The following RBMS3 variants were observed in gnomAD, a reference collection of about 807,000 sequenced individuals.
RBMS3 encodes the protein RNA-binding motif, single-stranded-interacting protein 3.
Under a neutral mutation model 66.8 loss-of-function variants are expected in RBMS3, and 27 were observed. The observed-to-expected ratio is 0.40, with a 90% confidence interval of 0.30 to 0.56. The LOEUF (loss-of-function observed/expected upper bound fraction) is 0.56. RBMS3 is among the 20% of genes least tolerant of loss of function. RBMS3 has a pLI of 0.40. For synonymous variants in RBMS3, 188 were observed against 183.0 expected, an observed-to-expected ratio of 1.03 and a Z score of -0.22; for missense variants, 513 against 549.5, an observed-to-expected ratio of 0.93 and a Z score of 0.66.
intron 7 of RBMS3, among the ~76,000 whole-genome samples, chr3:29,882,588 C>T (rs1002750911): frequency 3.3e-5 from 5 of 151,984 alleles, no homozygotes; most frequent in African/African-American, 1.2e-4. Flanking sequence ...CACTTTTGTT[C>T]CTCATACCAA....
intron 2 of RBMS3, among the ~76,000 whole-genome samples, chr3:29,477,886 C>T (rs2043005504): frequency 6.6e-6 from 1 of 152,142 alleles, no homozygotes; most frequent in African/African-American, 2.4e-5. Context: ...CCACCTCACC[C>T]TCCTAAGTAG....
chr3:29,631,461 C>A (rs1457643), intron 4 of RBMS3, among the ~76,000 whole-genome samples: 3 of 151,416 alleles, frequency 2.0e-5, no homozygotes, highest in Non-Finnish European at 4.4e-5. Flanking sequence ...GGAAATAAGG[C>A]GTTCAAATTT....
At chr3:29,471,166 G>C (rs950893930) in intron 2 of RBMS3, among the ~76,000 whole-genome samples, 1 of 152,156 alleles carries the variant, frequency 6.6e-6, no homozygotes. Flanking sequence ...TAGCATATCT[G>C]TGTGTGAAGG....
At chr3:29,799,280 C>T (rs192068297) in intron 6 of RBMS3, among the ~76,000 whole-genome samples, 2 of 152,160 alleles carry the variant, frequency 1.3e-5, no homozygotes, top group Non-Finnish European at 2.9e-5. Flanking sequence ...AACTGTCAAG[C>T]CTTTCACTTT....
chr3:29,464,014 A>T (rs2042458289), intron 2 of RBMS3, among the ~76,000 whole-genome samples: 1 of 152,016 alleles, frequency 6.6e-6, no homozygotes, highest in Admixed American at 6.6e-5. Context: ...ACCAATGAAA[A>T]ATTTTCTACA....
chr3:29,899,674 T>C (rs768855673), intron 9 of RBMS3, 31 bp from the exon 10 acceptor site: 4 of 1,601,270 alleles, frequency 2.5e-6, no homozygotes, highest in Non-Finnish European at 3.4e-6. Context: ...CTATGATTGC[T>C]TTGTGCTAAT....
intron 1 of RBMS3, among the ~76,000 whole-genome samples, chr3:29,285,955 A>G (rs1345991631): frequency 6.6e-6 from 1 of 152,148 alleles, no homozygotes; most frequent in Non-Finnish European, 1.5e-5. Flanking sequence ...GGAGGGAATG[A>G]GTTTAGAATT....
At chr3:29,702,301 A>G (rs899276021) in intron 4 of RBMS3, among the ~76,000 whole-genome samples, 8 of 152,184 alleles carry the variant, frequency 5.3e-5, no homozygotes, top group Non-Finnish European at 8.8e-5. Context: ...GTGGACTTGG[A>G]GAACTTTTGT....
chr3:29,921,933 T>C (rs75048912), intron 10 of RBMS3, among the ~76,000 whole-genome samples: 59 of 152,222 alleles, frequency 3.9e-4, no homozygotes, highest in African/African-American at 1.3e-3. Context: ...TTGCTCAACA[T>C]AGACAGTCCC....
intron 5 of RBMS3, among the ~76,000 whole-genome samples, chr3:29,747,812 G>A (rs914432165): frequency 5.3e-5 from 8 of 152,184 alleles, no homozygotes; most frequent in Non-Finnish European, 7.3e-5. Flanking sequence ...GAAAGAGCGG[G>A]CAAACAGGGG....
chr3:29,824,045 A>G (rs1416452881), intron 6 of RBMS3, among the ~76,000 whole-genome samples: 1 of 151,888 alleles, frequency 6.6e-6, no homozygotes, highest in Non-Finnish European at 1.5e-5. Context: ...GTGCCTCCAT[A>G]ATCTCCCCAC....
chr3:29,814,014 T>C (rs1185351489), intron 6 of RBMS3, among the ~76,000 whole-genome samples: 1 of 151,984 alleles, frequency 6.6e-6, no homozygotes, highest in African/African-American at 2.4e-5. Flanking sequence ...CTTCCAACAT[T>C]ATGTTGAATA....
intron 10 of RBMS3, among the ~76,000 whole-genome samples, chr3:29,909,795 G>A (rs1235655841): frequency 6.6e-6 from 1 of 152,096 alleles, no homozygotes; most frequent in African/African-American, 2.4e-5. Flanking sequence ...TGTGTGGTAT[G>A]TGTGCATGTG....
intron 2 of RBMS3, among the ~76,000 whole-genome samples, chr3:29,441,177 G>A (rs2041606784): frequency 6.6e-6 from 1 of 152,070 alleles, no homozygotes; most frequent in Admixed American, 6.6e-5. Context: ...CCCTGCCTTT[G>A]TGTATTTTAA....
chr3:29,340,693 T>C (rs530257107), intron 1 of RBMS3, among the ~76,000 whole-genome samples: 2 of 152,226 alleles, frequency 1.3e-5, no homozygotes, highest in South Asian at 4.1e-4. Flanking sequence ...TACTGTAAAA[T>C]CCCCTAAAAC....
intron 3 of RBMS3, among the ~76,000 whole-genome samples, chr3:29,559,398 C>A (rs982652962): frequency 6.6e-6 from 1 of 151,440 alleles, no homozygotes; most frequent in Non-Finnish European, 1.5e-5. Flanking sequence ...CTAATCCCAG[C>A]TACTCAGGAG....
intron 12 of RBMS3, among the ~76,000 whole-genome samples, chr3:29,966,933 G>T (rs1235495430): frequency 6.6e-6 from 1 of 152,124 alleles, no homozygotes; most frequent in Non-Finnish European, 1.5e-5. Context: ...TGCTTTTTCT[G>T]CATCTATTCA....
chr3:29,345,558 A>G (rs962045421), intron 1 of RBMS3, among the ~76,000 whole-genome samples: 2 of 152,144 alleles, frequency 1.3e-5, no homozygotes, highest in South Asian at 2.1e-4. Flanking sequence ...GCCTCTCTCC[A>G]TGAGAAGCCC....
intron 3 of RBMS3, among the ~76,000 whole-genome samples, chr3:29,492,205 CAT>C (rs147631950): frequency 0.011 from 1,653 of 152,188 alleles, 10 homozygotes; most frequent in Middle Eastern, 0.041. Flanking sequence ...GTCAGCAAAT[CAT>C]GATCAAAAAT....
Sources: allele counts gnomAD v4.1 joint callset (sites outside exome capture counted in the v4.1 genomes callset), GRCh38; gene constraint gnomAD v4.1.1; transcripts MANE v1.5; gene names NCBI Gene and HGNC (gene_info 2026-07-23, HGNC 2026-07-21).